FOXP1: variants seen among roughly 807,000 people sequenced by gnomAD.
The protein encoded by FOXP1 is forkhead box P1.
In FOXP1, 15 loss-of-function variants were observed where a neutral mutation model predicts 98.2. The ratio of observed to expected loss-of-function variants is 0.15; its 90% CI spans 0.10 to 0.24. The LOEUF is 0.24. FOXP1 is among the 10% of genes least tolerant of loss of function. FOXP1 has a pLI of 1.00. For synonymous variants in FOXP1, 371 were observed against 314.5 expected (o/e 1.18, Z -1.90); for missense variants, 633 against 848.5 (o/e 0.75, Z 3.15).
At chr3:71,583,843 C>T, upstream of FOXP1, 3 of 987,308 alleles carry the variant, frequency 3.0e-6, no homozygotes, top group Non-Finnish European at 3.6e-6. Context: ...CGGGCAGCAC[C>T]GGCCCGGGGG....
chr3:71,190,860 G>C (rs141842683), intron 6 of FOXP1, among the ~76,000 whole-genome samples: 3 of 152,100 alleles, frequency 2.0e-5, no homozygotes, highest in South Asian at 4.2e-4. Context: ...ACAGTATTTA[G>C]CAAAGGGTCT....
At chr3:71,531,334 A>G (rs1250551137) in intron 2 of FOXP1, among the ~76,000 whole-genome samples, 1 of 152,226 alleles carries the variant, frequency 6.6e-6, no homozygotes, top group African/African-American at 2.4e-5. Flanking sequence ...GCCCGGCAGC[A>G]GCTCACAGCA....
At chr3:71,247,212 A>G (rs886803104) in intron 5 of FOXP1, among the ~76,000 whole-genome samples, 9 of 152,222 alleles carry the variant, frequency 5.9e-5, no homozygotes, top group Non-Finnish European at 1.0e-4. Flanking sequence ...GTTCTGTTGG[A>G]AAATTTCACA....
intron 5 of FOXP1, among the ~76,000 whole-genome samples, chr3:71,236,415 A>T (rs529995775): frequency 2.0e-5 from 3 of 152,208 alleles, no homozygotes; most frequent in Admixed American, 1.3e-4. Context: ...TTTTTGGATA[A>T]ATCTTTGAGC....
intron 7 of FOXP1, among the ~76,000 whole-genome samples, chr3:71,103,520 G>A (rs561189385): frequency 1.3e-5 from 2 of 152,258 alleles, no homozygotes; most frequent in South Asian, 4.1e-4. Flanking sequence ...CCAGGGGAGT[G>A]CGACTACCTC....
chr3:71,241,553 T>C (rs1489808555), intron 5 of FOXP1, among the ~76,000 whole-genome samples: 2 of 152,208 alleles, frequency 1.3e-5, no homozygotes, highest in African/African-American at 2.4e-5. Context: ...TCGTGCATTA[T>C]TGTGGTGCCG....
chr3:71,274,744 A>C (rs1189613620), intron 5 of FOXP1, among the ~76,000 whole-genome samples: 4 of 152,332 alleles, frequency 2.6e-5, no homozygotes, highest in Middle Eastern at 3.4e-3. Context: ...AAGGCTGGGT[A>C]GATCTGGGCA....
At chr3:71,021,209 A>G (rs2107793408) in intron 11 of FOXP1, among the ~76,000 whole-genome samples, 1 of 151,738 alleles carries the variant, frequency 6.6e-6, no homozygotes, top group Non-Finnish European at 1.5e-5. Context: ...TTTCCTCCCA[A>G]CTCCCAGCCC....
intron 2 of FOXP1, among the ~76,000 whole-genome samples, chr3:71,562,467 T>C (rs1271054057): frequency 1.3e-5 from 2 of 152,300 alleles, no homozygotes; most frequent in African/African-American, 4.8e-5. Context: ...CAGTATCTAC[T>C]GAACTATGTG....
intron 4 of FOXP1, among the ~76,000 whole-genome samples, chr3:71,318,364 A>G (rs2075202607): frequency 6.6e-6 from 1 of 152,328 alleles, no homozygotes; most frequent in East Asian, 1.9e-4. Context: ...TTCCCTGAAT[A>G]AACGAAAATA....
intron 3 of FOXP1, among the ~76,000 whole-genome samples, chr3:71,390,738 G>GC (rs1197537450): frequency 6.6e-6 from 1 of 152,110 alleles, no homozygotes; most frequent in East Asian, 1.9e-4. Context: ...TGCAGACGTG[G>GC]CCCAAGTTAA....
At chr3:71,244,659 C>A (rs2106951840) in intron 5 of FOXP1, among the ~76,000 whole-genome samples, 1 of 152,140 alleles carries the variant, frequency 6.6e-6, no homozygotes, top group Non-Finnish European at 1.5e-5. Context: ...AGTGAGTACA[C>A]ACCTCTGCTA....
intron 3 of FOXP1, among the ~76,000 whole-genome samples, chr3:71,432,847 A>T (rs2084848720): frequency 7.8e-6 from 1 of 127,920 alleles, no homozygotes; most frequent in Non-Finnish European, 1.6e-5. Context: ...TGAACATGTT[A>T]AAAAAAAAAA....
At chr3:71,471,085 G>A (rs956609646) in intron 3 of FOXP1, among the ~76,000 whole-genome samples, 5 of 152,114 alleles carry the variant, frequency 3.3e-5, no homozygotes, top group African/African-American at 9.7e-5. Context: ...TTATTATTCT[G>A]TTTCCTTGCT....
At chr3:71,531,680 A>G (rs566441181) in intron 2 of FOXP1, among the ~76,000 whole-genome samples, 27 of 152,270 alleles carry the variant, frequency 1.8e-4, no homozygotes, top group Admixed American at 2.0e-4. Context: ...GAGAGGAATG[A>G]TTTATCATTT....
intron 11 of FOXP1, among the ~76,000 whole-genome samples, chr3:71,039,473 T>A (rs1233853409): frequency 6.6e-6 from 1 of 152,142 alleles, no homozygotes; most frequent in Admixed American, 6.5e-5. Context: ...ACATAACCTT[T>A]TAGAAAATGA....
chr3:71,173,383 T>TCACACA (rs3064895), intron 6 of FOXP1, among the ~76,000 whole-genome samples: 19,610 of 143,110 alleles, frequency 0.14, 1,493 homozygotes, highest in Middle Eastern at 0.2. Context: ...AAGAAAAAAT[T>TCACACA]CACACACACA....
At chr3:71,461,889 G>A (rs1451716972) in intron 3 of FOXP1, among the ~76,000 whole-genome samples, 1 of 151,694 alleles carries the variant, frequency 6.6e-6, no homozygotes, top group Non-Finnish European at 1.5e-5. Context: ...CCCATCAAGA[G>A]AAGATTGGCA....
chr3:71,127,984 G>A (rs1458133080), intron 6 of FOXP1, among the ~76,000 whole-genome samples: 1 of 152,188 alleles, frequency 6.6e-6, no homozygotes, highest in African/African-American at 2.4e-5. Flanking sequence ...AAGTTGCACT[G>A]TATCTGAGCC....
Sources: gnomAD v4.1 joint callset for allele counts (sites outside exome capture counted in the v4.1 genomes callset) on GRCh38, gnomAD v4.1.1 for gene constraint, MANE v1.5 for transcripts, NCBI Gene and HGNC (gene_info 2026-07-23, HGNC 2026-07-21) for gene names.